Variants in NFIC observed in about 807,000 individuals in gnomAD.
NFIC encodes the protein nuclear factor 1 C-type.
Under a neutral mutation model 54.4 loss-of-function variants are expected in NFIC, and 12 were observed. The observed-to-expected ratio is 0.22, with a 90% CI of 0.14 to 0.36. The LOEUF is 0.36. Among genes scored for constraint, NFIC ranks in the 10% least tolerant of loss-of-function variants. NFIC has a pLI of 1.00. For missense variants in NFIC, 575 were observed against 718.2 expected (o/e 0.80, Z 2.28); for synonymous variants, 322 against 319.2 (o/e 1.01, Z -0.09).
chr19:3,408,667 A>G (rs4807462), intron 2 of NFIC, among the ~76,000 whole-genome samples: 3 of 151,912 alleles, frequency 2.0e-5, no homozygotes, highest in Non-Finnish European at 1.5e-5. Flanking sequence ...TGTCGCGCCA[A>G]CTCGGCTCAC....
In NFIC at chr19:3,461,776, C is replaced by G. The variant is rs530244837; in HGVS notation, c.1510-976C>G. ...TAATTTTTAAAATATAAAATAAAGG[C>G]CAGGCAGAGTGGCTCACGCCTGTAA... is the stretch of plus-strand genomic sequence containing the variant. On this transcript the variant is annotated intron_variant, in intron 10 of 10. Coordinates refer to ENST00000443272, the MANE Select transcript of NFIC (RefSeq NM_001245002.2). Among the ~76,000 whole-genome samples the G allele has an allele frequency of 5.3e-5, 8 of 151,734 alleles. No individual in the cohort carries two copies. The South Asian group carries it at 1.7e-3, about 32-fold the overall frequency.
chr19:3,435,461 C>G (rs2082186428), intron 6 of NFIC, among the ~76,000 whole-genome samples: 1 of 152,210 alleles, frequency 6.6e-6, no homozygotes, highest in Admixed American at 6.5e-5. Context: ...CTCCTGCCCT[C>G]CGGCCGTGAA....
At chr19:3,460,994 G>A (rs1414508845) in intron 10 of NFIC, among the ~76,000 whole-genome samples, 3 of 152,136 alleles carry the variant, frequency 2.0e-5, no homozygotes, top group South Asian at 2.1e-4. Context: ...GTGTGATGGC[G>A]CATGCGTGTA....
intron 2 of NFIC, among the ~76,000 whole-genome samples, chr19:3,404,637 C>T (rs1311712509): frequency 5.9e-5 from 9 of 151,972 alleles, no homozygotes; most frequent in East Asian, 3.9e-4. Flanking sequence ...TGCCCGAGGC[C>T]GGTGCCAGCC....
chr19:3,374,823 C>A (rs539512574), intron 1 of NFIC, among the ~76,000 whole-genome samples: 9 of 152,248 alleles, frequency 5.9e-5, no homozygotes, highest in Middle Eastern at 3.4e-3. Flanking sequence ...GACAACCGGC[C>A]AACCAGGCCC....
In NFIC at chr19:3,462,835, C is replaced by A; in HGVS notation, c.*66C>A. 6.2e-7 allele frequency: 1 copy of A among 1,611,080 alleles called. No homozygotes were observed. Among genetic ancestry groups the A allele is most frequent in the South Asian group, 1.1e-5 (1 of 90,760 alleles). On this transcript the variant is annotated 3_prime_UTR_variant, in exon 11 of 11. Transcript: ENST00000443272. ...AATCCCAGGGGGCAGCACAGCCGGC[C>A]CCCGGCCCACGTTTTCGGTGGAAAA...
At chr19:3,450,150 C>A (rs1232250150) in intron 7 of NFIC, among the ~76,000 whole-genome samples, 1 of 151,288 alleles carries the variant, frequency 6.6e-6, no homozygotes, top group Non-Finnish European at 1.5e-5. Flanking sequence ...TTGAGACCAT[C>A]CTGGCTAACA....
In NFIC at chr19:3,369,583, G is replaced by T. The variant is rs1407385035; in HGVS notation, c.30+2917G>T. ...GGCCCGGCCCGCCGAGTGGGGAGTG[G>T]GTGCTGGCGGCCCTGGGGCATTCTG... On this transcript the variant is annotated intron_variant, in intron 1 of 10. Coordinates refer to ENST00000443272, the MANE Select transcript of NFIC (RefSeq NM_001245002.2). This position sits in a 1 kb window ranked among gnomAD's most constrained non-coding sequence, Gnocchi z 4.3. 6.6e-6 allele frequency among the ~76,000 whole-genome samples: 1 copy of T among 152,168 alleles called. No homozygotes were observed. The highest frequency in any genetic ancestry group is 2.4e-5 in the African/African-American group (1 of 41,446).
rs948115528 is a variant in NFIC, at chr19:3,416,713, G to A, written c.563-8393G>A. On this transcript the variant is annotated intron_variant, in intron 2 of 10. Coordinates refer to ENST00000443272, the MANE Select transcript of NFIC (RefSeq NM_001245002.2). ...CTAATTTTGTATTTTTAGTAGAGAC[G>A]GGGTTTCTCCATGTTGGTCAGGCTG... is the stretch of plus-strand genomic sequence containing the variant. 2.6e-5 allele frequency among the ~76,000 whole-genome samples: 4 copies of A among 151,082 alleles called. No individual in the cohort carries two copies. In the South Asian group the frequency reaches 6.3e-4, roughly 24 times the overall value.
chr19:3,398,528 C>CT (rs966412289), intron 2 of NFIC, among the ~76,000 whole-genome samples: 1 of 152,222 alleles, frequency 6.6e-6, no homozygotes, highest in African/African-American at 2.4e-5. Context: ...CAGCCCCATC[C>CT]TTTCACACAC....
At chr19:3,404,786 G>A (rs58636871) in intron 2 of NFIC, among the ~76,000 whole-genome samples, 494 of 152,338 alleles carry the variant, frequency 3.2e-3, no homozygotes, top group African/African-American at 0.011. Context: ...AGCACGGGGC[G>A]AGTCCCTACG....
intron 3 of NFIC, among the ~76,000 whole-genome samples, chr19:3,425,939 T>A (rs1256904942): frequency 7.9e-6 from 1 of 127,218 alleles, no homozygotes; most frequent in Non-Finnish European, 1.7e-5. Context: ...TTTTTTTTTT[T>A]TTTTTTTTTT....
chr19:3,439,644 A>G (rs907932302), intron 6 of NFIC, among the ~76,000 whole-genome samples: 1 of 151,576 alleles, frequency 6.6e-6, no homozygotes, highest in African/African-American at 2.4e-5. Flanking sequence ...CTCCATCTCA[A>G]AAAACTCTGC....
chr19:3,452,425 C>T lies in NFIC; in HGVS notation c.1085-57C>T. 1 of 1,592,926 alleles carries T rather than the reference C, an allele frequency of 6.3e-7. No individual in the cohort carries two copies. The highest frequency in any genetic ancestry group is 1.1e-5 in the South Asian group (1 of 90,218). On this transcript the variant is annotated intron_variant, in intron 7 of 10. Coordinates refer to ENST00000443272, the MANE Select transcript of NFIC (RefSeq NM_001245002.2). The surrounding 1 kb of genome is among the most constrained non-coding windows in gnomAD (Gnocchi z 5.3). Reference sequence around the variant, plus strand: ...ACCCACAGACACACAGTCACACGGTCACAGAGCAGACCGGCTGGAGCCCCC... The same window carrying T: ...ACCCACAGACACACAGTCACACGGTTACAGAGCAGACCGGCTGGAGCCCCC...
intron 3 of NFIC, among the ~76,000 whole-genome samples, chr19:3,428,860 G>A (rs2082069171): frequency 6.6e-6 from 1 of 152,022 alleles, no homozygotes; most frequent in Non-Finnish European, 1.5e-5. Flanking sequence ...TGGCCAGCTG[G>A]GTCAGCAGGA....
intron 1 of NFIC, among the ~76,000 whole-genome samples, chr19:3,361,135 G>T (rs975637973): frequency 6.6e-6 from 1 of 152,336 alleles, no homozygotes; most frequent in Non-Finnish European, 1.5e-5. Context: ...GGCCCGAGGG[G>T]GTCCTGGCTG....
At chr19:3,359,693 G>C in intron 1 of NFIC, 1 of 1,426,034 alleles carries the variant, frequency 7.0e-7, no homozygotes. Flanking sequence ...ATGGTACGTC[G>C]CCGCACCCAC....
intron 2 of NFIC, among the ~76,000 whole-genome samples, chr19:3,383,249 T>C (rs1347216110): frequency 1.3e-5 from 2 of 152,120 alleles, no homozygotes; most frequent in Non-Finnish European, 2.9e-5. Flanking sequence ...AGAGGGGTGT[T>C]TGCCGGTGGT....
At chr19:3,383,842 C>A (rs1277474648) in intron 2 of NFIC, among the ~76,000 whole-genome samples, 1 of 152,188 alleles carries the variant, frequency 6.6e-6, no homozygotes, top group African/African-American at 2.4e-5. Context: ...ACAGGAGGAC[C>A]CTGGGGCCAG....
Sources: gnomAD v4.1 joint callset for allele counts (sites outside exome capture counted in the v4.1 genomes callset) on GRCh38, gnomAD v4.1.1 for gene constraint, Gnocchi (gnomAD v3.1) non-coding constraint, MANE v1.5 for transcripts, NCBI Gene and HGNC (gene_info 2026-07-23, HGNC 2026-07-21) for gene names.